CREB5: variants seen among roughly 807,000 people sequenced by gnomAD.
CREB5 encodes the protein cAMP responsive element binding protein 5, also known as cyclic AMP-responsive element-binding protein 5.
Under a neutral mutation model 57.1 loss-of-function variants are expected in CREB5, and 19 were observed. The observed-to-expected ratio is 0.33, with a 90% CI of 0.23 to 0.49. The LOEUF is 0.49. CREB5 is among the 20% of genes least tolerant of loss of function. The pLI, the probability that CREB5 is intolerant of heterozygous loss-of-function variation, is 0.99. For missense variants in CREB5, 579 were observed against 671.6 expected, an observed-to-expected ratio of 0.86 and a Z score of 1.52; for synonymous variants, 238 against 238.3, an observed-to-expected ratio of 1.00 and a Z score of 0.01.
chr7:28,350,903 C>T (rs1479020133), intron 1 of CREB5, among the ~76,000 whole-genome samples: 1 of 152,194 alleles, frequency 6.6e-6, no homozygotes, highest in Admixed American at 6.5e-5. Flanking sequence ...TGAGCCAATA[C>T]ATTTTGCTTT....
At chr7:28,663,813 A>C (rs1029918128) in intron 5 of CREB5, among the ~76,000 whole-genome samples, 1 of 152,272 alleles carries the variant, frequency 6.6e-6, no homozygotes, top group East Asian at 1.9e-4. Context: ...TCATTTGCTC[A>C]TAATAAACAT....
At chr7:28,616,464 C>T (rs1279263209) in intron 5 of CREB5, among the ~76,000 whole-genome samples, 1 of 151,520 alleles carries the variant, frequency 6.6e-6, no homozygotes, top group Admixed American at 6.6e-5. Flanking sequence ...CAGAGAGATG[C>T]CTTTTTTTTT....
chr7:28,602,641 A>G (rs1429199683), intron 5 of CREB5, among the ~76,000 whole-genome samples: 1 of 152,226 alleles, frequency 6.6e-6, no homozygotes, highest in Non-Finnish European at 1.5e-5. Flanking sequence ...TTTCATTTAT[A>G]TAACATTCTT....
chr7:28,790,546 AT>A (rs1357106372), intron 7 of CREB5, among the ~76,000 whole-genome samples: 1 of 152,204 alleles, frequency 6.6e-6, no homozygotes, highest in Non-Finnish European at 1.5e-5. Flanking sequence ...CAGGCACTGA[AT>A]CAGTACCAAG....
chr7:28,502,754 C>T (rs1404728102), intron 3 of CREB5, among the ~76,000 whole-genome samples: 2 of 152,164 alleles, frequency 1.3e-5, no homozygotes, highest in Non-Finnish European at 2.9e-5. Flanking sequence ...GAAAATTTTG[C>T]TTAGGAAGTT....
chr7:28,626,275 G>A (rs754279228), intron 5 of CREB5, among the ~76,000 whole-genome samples: 2 of 152,138 alleles, frequency 1.3e-5, no homozygotes, highest in Non-Finnish European at 2.9e-5. Flanking sequence ...AAAATATTTA[G>A]AATGATTGAA....
intron 7 of CREB5, among the ~76,000 whole-genome samples, chr7:28,798,365 A>AGGGG (rs1554300800): frequency 3.5e-5 from 5 of 142,796 alleles, no homozygotes; most frequent in Admixed American, 6.9e-5. Context: ...TAAATTGCCC[A>AGGGG]GGGTGGGTGT....
At chr7:28,604,230 C>A (rs1247297612) in intron 5 of CREB5, among the ~76,000 whole-genome samples, 1 of 152,100 alleles carries the variant, frequency 6.6e-6, no homozygotes, top group African/African-American at 2.4e-5. Context: ...GATCTCACCA[C>A]CTCTGCACAC....
chr7:28,704,934 T>A (rs1802033619), intron 5 of CREB5, among the ~76,000 whole-genome samples: 1 of 152,206 alleles, frequency 6.6e-6, no homozygotes, highest in Non-Finnish European at 1.5e-5. Flanking sequence ...TAGACACTCT[T>A]GCTGGTGTAT....
chr7:28,501,042 A>G (rs574886940), intron 3 of CREB5, among the ~76,000 whole-genome samples: 1 of 152,246 alleles, frequency 6.6e-6, no homozygotes, highest in Non-Finnish European at 1.5e-5. Flanking sequence ...TGCTTTACAT[A>G]CATTAGGTCA....
intron 7 of CREB5, among the ~76,000 whole-genome samples, chr7:28,766,248 G>A (rs1805977857): frequency 6.6e-6 from 1 of 151,982 alleles, no homozygotes; most frequent in Non-Finnish European, 1.5e-5. Flanking sequence ...ATAAAAAACA[G>A]TCTGTCATCT....
chr7:28,742,724 C>G (rs1310358347), intron 7 of CREB5, among the ~76,000 whole-genome samples: 1 of 152,180 alleles, frequency 6.6e-6, no homozygotes, highest in African/African-American at 2.4e-5. Context: ...TCATTCACCT[C>G]TCAGGATATA....
At chr7:28,445,832 T>G (rs919914299) in intron 1 of CREB5, among the ~76,000 whole-genome samples, 10 of 152,136 alleles carry the variant, frequency 6.6e-5, no homozygotes, top group Non-Finnish European at 1.2e-4. Flanking sequence ...ATTACAGGCG[T>G]GAGCCACTGC....
At chr7:28,592,056 T>A (rs1250149863) in intron 5 of CREB5, among the ~76,000 whole-genome samples, 1 of 152,204 alleles carries the variant, frequency 6.6e-6, no homozygotes, top group Non-Finnish European at 1.5e-5. Context: ...AAGTTAGTCT[T>A]ATCAGATCAG....
At chr7:28,392,746 C>G (rs1216974095) in intron 1 of CREB5, among the ~76,000 whole-genome samples, 1 of 152,128 alleles carries the variant, frequency 6.6e-6, no homozygotes, top group African/African-American at 2.4e-5. Context: ...AAAAGGAGAT[C>G]AGGAGGACAG....
chr7:28,757,108 CCT>C (rs1327807425), intron 7 of CREB5, among the ~76,000 whole-genome samples: 22 of 152,242 alleles, frequency 1.4e-4, no homozygotes, highest in African/African-American at 5.3e-4. Context: ...TAGTATTTCC[CCT>C]GAGCCAAGCA....
Position 28,660,381 on chromosome 7 carries a change from G to GTTTTTTT in CREB5, c.465-58358_465-58352dup, listed in dbSNP as rs10696255. On this transcript the variant is annotated intron_variant, in intron 5 of 10. Coordinates refer to ENST00000357727, the MANE Select transcript of CREB5 (RefSeq NM_182898.4). ...CAAACTATCATCTATGCATTCAACA[G>GTTTTTTT]TTTTTTTTTTTTTTTTTTTTGAGCA... 1.5e-3 allele frequency among the ~76,000 whole-genome samples: 177 copies of GTTTTTTT among 119,232 alleles called. 6 individuals are homozygous for GTTTTTTT. Among genetic ancestry groups the GTTTTTTT allele is most frequent in the African/African-American group, 5.3e-3 (161 of 30,358 alleles). 78.2% of individuals were successfully genotyped at this position (119,232 alleles called of 152,430 possible).
At chr7:28,447,980 A>G (rs1216996723) in intron 1 of CREB5, among the ~76,000 whole-genome samples, 1 of 152,212 alleles carries the variant, frequency 6.6e-6, no homozygotes, top group Non-Finnish European at 1.5e-5. Context: ...TGAAGGATAC[A>G]AAGTATTGAT....
At chr7:28,499,589 T>C (rs1583542803) in intron 3 of CREB5, among the ~76,000 whole-genome samples, 1 of 152,282 alleles carries the variant, frequency 6.6e-6, no homozygotes, top group Non-Finnish European at 1.5e-5. Context: ...GTGTGTCTTT[T>C]TGTTTTGTTT....
Sources: allele counts gnomAD v4.1 joint callset (sites outside exome capture counted in the v4.1 genomes callset), GRCh38; gene constraint gnomAD v4.1.1; transcripts MANE v1.5; gene names NCBI Gene and HGNC (gene_info 2026-07-23, HGNC 2026-07-21).